Variants in CTNNA3 observed in about 807,000 individuals in gnomAD.
CTNNA3 encodes catenin alpha 3, also known as catenin alpha-3.
In CTNNA3, 76 loss-of-function variants were observed where a neutral mutation model predicts 95.7. That is an observed-to-expected ratio of 0.79 (90% CI 0.66 to 0.96). The LOEUF is 0.96. Ranked by LOEUF, CTNNA3 falls within the 40% of genes least tolerant of loss-of-function variation. The probability of loss-of-function intolerance (pLI) is 0.00; values close to 1 mark genes in which losing one functional copy is unlikely to be tolerated. For missense variants in CTNNA3, 1,191 were observed against 1,089.8 expected (o/e 1.09, Z -1.31); for synonymous variants, 431 against 374.4 (o/e 1.15, Z -1.74).
At chr10:67,495,876 C>T (rs1250580040) in intron 5 of CTNNA3, among the ~76,000 whole-genome samples, 1 of 152,054 alleles carries the variant, frequency 6.6e-6, no homozygotes, top group Non-Finnish European at 1.5e-5. Context: ...AAAGACCTAA[C>T]CTGTATAGTA....
chr10:67,648,994 T>C (rs933774282), intron 1 of CTNNA3, among the ~76,000 whole-genome samples: 6 of 152,252 alleles, frequency 3.9e-5, no homozygotes, highest in Admixed American at 6.5e-5. Context: ...AATTGACAGA[T>C]AGCCTATTCC....
Position 66,971,436 on chromosome 10 carries a change from A to T in CTNNA3, c.1048-195912T>A, listed in dbSNP as rs532337422. 6.0e-4 allele frequency among the ~76,000 whole-genome samples: 91 copies of T among 152,210 alleles called. 1 individual carries two copies. Among genetic ancestry groups the T allele is most frequent in the African/African-American group, 2.1e-3 (86 of 41,516 alleles). On this transcript the variant is annotated intron_variant, in intron 7 of 17. Transcript: ENST00000433211. Reference sequence around the variant, plus strand: ...AGAGAGACTCCGTCTCAAAAAAAAAAATACATACATACATACATAAACAGT... The same window carrying T: ...AGAGAGACTCCGTCTCAAAAAAAAATATACATACATACATACATAAACAGT...
intron 3 of CTNNA3, among the ~76,000 whole-genome samples, chr10:67,581,606 A>G (rs554140984): frequency 7.2e-4 from 110 of 152,064 alleles, no homozygotes; most frequent in African/African-American, 2.4e-3. Context: ...CTCTTTTTCT[A>G]TTGATTGGAA....
intron 5 of CTNNA3, among the ~76,000 whole-genome samples, chr10:67,477,869 A>ACATAGAAG (rs1848077833): frequency 6.6e-6 from 1 of 152,234 alleles, no homozygotes; most frequent in Admixed American, 6.5e-5. Context: ...CAGATAAAAA[A>ACATAGAAG]TTCAAAGCAC....
intron 1 of CTNNA3, among the ~76,000 whole-genome samples, chr10:67,761,805 G>T (rs1218875035): frequency 6.6e-6 from 1 of 151,386 alleles, no homozygotes; most frequent in Non-Finnish European, 1.5e-5. Flanking sequence ...ATGAACCCAC[G>T]AGGCGGAGCT....
intron 7 of CTNNA3, among the ~76,000 whole-genome samples, chr10:66,994,411 C>T (rs1851214365): frequency 6.6e-6 from 1 of 152,164 alleles, no homozygotes; most frequent in Non-Finnish European, 1.5e-5. Context: ...TGGAATGAAG[C>T]TCAGTGTGAG....
intron 9 of CTNNA3, among the ~76,000 whole-genome samples, chr10:66,745,755 ATTT>A (rs34185477): frequency 8.6e-5 from 11 of 128,172 alleles, no homozygotes; most frequent in South Asian, 2.6e-4. Flanking sequence ...ACACCTCGCT[ATTT>A]TTTTTTTTTT....
rs1034057652 is a variant in CTNNA3, at chr10:67,703,685, C to A, written c.-1-56171G>T. 7.2e-5 allele frequency among the ~76,000 whole-genome samples: 11 copies of A among 152,212 alleles called. No individual in the cohort carries two copies. The East Asian group carries it at 1.2e-3, about 16-fold the overall frequency. ...GCCAATATCATACTGAATGGGCAAA[C>A]ACTGGAAGCATTGCCTTTGAAAACT... On this transcript the variant is annotated intron_variant, in intron 1 of 17. Transcript: ENST00000684154.
At chr10:66,721,737 A>G (rs939993699) in intron 9 of CTNNA3, among the ~76,000 whole-genome samples, 1 of 152,230 alleles carries the variant, frequency 6.6e-6, no homozygotes, top group Non-Finnish European at 1.5e-5. Context: ...AGGGCTCTTC[A>G]TCGCTACTGT....
At chr10:66,179,696 T>C (rs1014901005) in intron 13 of CTNNA3, among the ~76,000 whole-genome samples, 2 of 152,108 alleles carry the variant, frequency 1.3e-5, no homozygotes, top group African/African-American at 4.8e-5. Flanking sequence ...TTTCCATTTT[T>C]CATTTAAATT....
chr10:66,398,689 A>G (rs2092998156), intron 11 of CTNNA3, among the ~76,000 whole-genome samples: 1 of 151,990 alleles, frequency 6.6e-6, no homozygotes, highest in Non-Finnish European at 1.5e-5. Flanking sequence ...GCTAAGACTA[A>G]ATTAAAATCA....
At chr10:66,937,781 A>T (rs10822946) in intron 7 of CTNNA3, among the ~76,000 whole-genome samples, 52,515 of 151,946 alleles carry the variant, frequency 0.35, 11,301 homozygotes, top group East Asian at 0.6. Flanking sequence ...TTTGTGAGAA[A>T]TGCCCTTCCT....
At chr10:66,073,464 CTG>C (rs1190042535) in intron 14 of CTNNA3, among the ~76,000 whole-genome samples, 1 of 152,140 alleles carries the variant, frequency 6.6e-6, no homozygotes, top group African/African-American at 2.4e-5. Flanking sequence ...ACATTCACTG[CTG>C]TTAGGAATAC....
intron 15 of CTNNA3, among the ~76,000 whole-genome samples, chr10:66,009,480 A>G (rs1367523489): frequency 1.3e-5 from 2 of 152,186 alleles, no homozygotes; most frequent in Non-Finnish European, 2.9e-5. Context: ...CCAATCATAC[A>G]TTAAATCCTG....
At chr10:67,272,821 A>T (rs1301257222) in intron 5 of CTNNA3, among the ~76,000 whole-genome samples, 2 of 152,132 alleles carry the variant, frequency 1.3e-5, no homozygotes, top group East Asian at 3.9e-4. Flanking sequence ...TACTCCATGT[A>T]GGTGCATGAC....
At chr10:66,835,174 C>A (rs563917908) in intron 7 of CTNNA3, among the ~76,000 whole-genome samples, 8 of 151,484 alleles carry the variant, frequency 5.3e-5, no homozygotes, top group African/African-American at 1.9e-4. Context: ...AAAATCATGC[C>A]CTATATGATG....
intron 12 of CTNNA3, among the ~76,000 whole-genome samples, chr10:66,304,094 A>G (rs2091901029): frequency 6.6e-6 from 1 of 152,196 alleles, no homozygotes; most frequent in African/African-American, 2.4e-5. Flanking sequence ...TCAATGTTGT[A>G]CCAGTATTTC....
intron 5 of CTNNA3, among the ~76,000 whole-genome samples, chr10:67,426,214 T>A (rs978163183): frequency 6.6e-6 from 1 of 152,076 alleles, no homozygotes; most frequent in African/African-American, 2.4e-5. Flanking sequence ...TTATTATGAC[T>A]TTATCCTCCT....
chr10:66,233,097 T>G (rs2089668938), intron 13 of CTNNA3, among the ~76,000 whole-genome samples: 1 of 133,392 alleles, frequency 7.5e-6, no homozygotes, highest in African/African-American at 2.9e-5. Flanking sequence ...GAGGCGGAGC[T>G]TGTAGTGAGC....
Sources: gnomAD v4.1 joint callset for allele counts (sites outside exome capture counted in the v4.1 genomes callset) on GRCh38, gnomAD v4.1.1 for gene constraint, MANE v1.5 for transcripts, NCBI Gene and HGNC (gene_info 2026-07-23, HGNC 2026-07-21) for gene names.